Variants in SPAST observed in about 807,000 individuals in gnomAD.
SPAST encodes spastin.
SPAST carries 30 observed loss-of-function variants against 76.6 expected under a neutral mutation model. The ratio of observed to expected loss-of-function variants is 0.39; its 90% CI spans 0.29 to 0.53. The LOEUF (loss-of-function observed/expected upper bound fraction) is 0.53. Ranked by LOEUF, SPAST falls within the 20% of genes least tolerant of loss-of-function variation. The pLI is 0.68. For missense variants in SPAST, 717 were observed against 770.5 expected (o/e 0.93, Z 0.82); for synonymous variants, 305 against 281.0 (o/e 1.09, Z -0.86).
chr2:32,111,904 A>C (rs1262505661), intron 4 of SPAST, among the ~76,000 whole-genome samples: 1 of 150,294 alleles, frequency 6.7e-6, no homozygotes, highest in Non-Finnish European at 1.5e-5. Flanking sequence ...CTATATATAA[A>C]GTCTCAGAAC....
At position 32,079,174 on chromosome 2, in the gene SPAST, T is replaced by C. The variant is rs117701888; in HGVS notation, c.416-8318T>C. 3.6e-4 allele frequency among the ~76,000 whole-genome samples: 55 copies of C among 152,180 alleles called. 1 individual carries two copies. The East Asian group carries it at 9.7e-3, about 27-fold the overall frequency. ...TTTACAATCTGCAAAACCTCATAAG[T>C]GGCTAATAGAGGAATATAGTAAAGC... On this transcript the variant is annotated intron_variant, in intron 1 of 16. Coordinates refer to ENST00000315285, the MANE Select transcript of SPAST (RefSeq NM_014946.4).
At chr2:32,084,100 G>A (rs1677374904) in intron 1 of SPAST, among the ~76,000 whole-genome samples, 1 of 150,628 alleles carries the variant, frequency 6.6e-6, no homozygotes, top group South Asian at 2.1e-4. Context: ...ATCTTAAAAA[G>A]CAGTTTGTTG....
chr2:32,148,538 G>A (rs952255429), intron 16 of SPAST, among the ~76,000 whole-genome samples: 20 of 151,884 alleles, frequency 1.3e-4, no homozygotes, highest in African/African-American at 4.1e-4. Flanking sequence ...GGCCGGGGGC[G>A]GTGGCTCACA....
chr2:32,100,133 G>T (rs977039376), intron 4 of SPAST, among the ~76,000 whole-genome samples: 2 of 152,160 alleles, frequency 1.3e-5, no homozygotes, highest in Middle Eastern at 6.8e-3. Flanking sequence ...CAAAAGTAGC[G>T]TATAAGAGTT....
chr2:32,083,479 A>G (rs1677319544), intron 1 of SPAST, among the ~76,000 whole-genome samples: 1 of 151,340 alleles, frequency 6.6e-6, no homozygotes, highest in Admixed American at 6.6e-5. Context: ...GTCTCGTAAT[A>G]TTTTGGTATT....
chr2:32,079,230 T>G (rs1677098859), intron 1 of SPAST, among the ~76,000 whole-genome samples: 1 of 152,128 alleles, frequency 6.6e-6, no homozygotes, highest in Non-Finnish European at 1.5e-5. Flanking sequence ...AGAACTGTGT[T>G]TTTAGGCTGG....
intron 1 of SPAST, among the ~76,000 whole-genome samples, chr2:32,073,642 CTT>C (rs1676839499): frequency 6.6e-6 from 1 of 152,158 alleles, no homozygotes; most frequent in Admixed American, 6.6e-5. Flanking sequence ...TTTCTTCACT[CTT>C]GACCTATAAT....
chr2:32,132,008 A>G (rs961795803), intron 9 of SPAST, among the ~76,000 whole-genome samples: 1 of 152,116 alleles, frequency 6.6e-6, no homozygotes, highest in Non-Finnish European at 1.5e-5. Context: ...GTACTGTTTC[A>G]TCTTCATGTT....
chr2:32,110,416 T>A (rs1354446717), intron 4 of SPAST, among the ~76,000 whole-genome samples: 3 of 147,562 alleles, frequency 2.0e-5, no homozygotes, highest in Non-Finnish European at 4.5e-5. Context: ...CCGCGCCTGG[T>A]CCCTATACAT....
chr2:32,131,732 G>A (rs1384995836), intron 9 of SPAST, among the ~76,000 whole-genome samples: 4 of 132,190 alleles, frequency 3.0e-5, no homozygotes, highest in African/African-American at 8.7e-5. Context: ...GCGTGATCTC[G>A]GCTCACTGCA....
chr2:32,126,953 C>A lies in SPAST; in HGVS notation c.1104C>A (p.Phe368Leu). Reference protein sequence around the residue: ...VILPSLRPELFTGLRAPARGL... With the variant: ...VILPSLRPELLTGLRAPARGL... ...CTAAAGTATATATTTTTTAGTTGTT[C>A]ACAGGGCTTAGAGCTCCTGCCAGAG... is the stretch of plus-strand genomic sequence containing the variant. The change falls in exon 8 of 17, where the codon TTC becomes TTA. Residue 368 changes from phenylalanine to leucine, a missense_variant. Coordinates refer to ENST00000315285, the MANE Select transcript of SPAST (RefSeq NM_014946.4). 6.2e-7 allele frequency: 1 copy of A among 1,607,224 alleles called. No homozygotes were observed. Among genetic ancestry groups the A allele is most frequent in the African/African-American group, 1.3e-5 (1 of 74,846 alleles).
intron 16 of SPAST, among the ~76,000 whole-genome samples, chr2:32,148,501 GTC>G (rs796722946): frequency 3.2e-4 from 47 of 148,892 alleles, no homozygotes; most frequent in African/African-American, 1.1e-3. Context: ...GTGAAACCCT[GTC>G]TCTATCAAAA....
At chr2:32,139,857 A>G (rs2148756605) in intron 12 of SPAST, among the ~76,000 whole-genome samples, 1 of 151,966 alleles carries the variant, frequency 6.6e-6, no homozygotes, top group East Asian at 1.9e-4. Context: ...AAAAGAAAAA[A>G]AAAAAGACAA....
At chr2:32,110,659 G>GTA (rs1390142883) in intron 4 of SPAST, among the ~76,000 whole-genome samples, 42 of 133,188 alleles carry the variant, frequency 3.2e-4, no homozygotes, top group African/African-American at 1.2e-3. Context: ...ATATAGTATA[G>GTA]TATATATAGT....
intron 1 of SPAST, among the ~76,000 whole-genome samples, chr2:32,072,371 T>C (rs1335477109): frequency 1.3e-5 from 2 of 152,220 alleles, no homozygotes; most frequent in African/African-American, 4.8e-5. Context: ...TTTCATGGCC[T>C]GCTATCTGAC....
intron 1 of SPAST, among the ~76,000 whole-genome samples, chr2:32,082,944 GTTA>G (rs765460073): frequency 1.1e-4 from 16 of 152,062 alleles, no homozygotes; most frequent in Non-Finnish European, 1.5e-4. Context: ...TCCTGTTTTT[GTTA>G]TTGTTGTTGT....
In SPAST at chr2:32,064,128, T is replaced by G. The variant is rs1676407642; in HGVS notation, c.297T>G (p.Pro99=). ...GGAGCTCCGGGGCCGCGCCAGCACC[T>G]GCCTCGGCCTCGGCCCCGGCGCCGG... The part of the protein sequence containing the change: ...AKRSSGAAPA[P]ASASAPAPVP... The change falls in exon 1 of 17, where the codon CCT becomes CCG. Residue 99 remains proline (P), a synonymous_variant. Coordinates refer to ENST00000315285, the MANE Select transcript of SPAST (RefSeq NM_014946.4). 1 of 1,584,090 alleles carries G rather than the reference T, an allele frequency of 6.3e-7. No homozygotes were observed. Among genetic ancestry groups the G allele is most frequent in the South Asian group, 1.1e-5 (1 of 87,882 alleles).
At chr2:32,098,313 T>C (rs1677997895) in intron 3 of SPAST, among the ~76,000 whole-genome samples, 1 of 151,906 alleles carries the variant, frequency 6.6e-6, no homozygotes, top group Non-Finnish European at 1.5e-5. Context: ...AAAAAATAAA[T>C]TAGCTGGGCA....
At chr2:32,071,928 A>C (rs1263628424) in intron 1 of SPAST, among the ~76,000 whole-genome samples, 3 of 152,238 alleles carry the variant, frequency 2.0e-5, no homozygotes, top group Non-Finnish European at 4.4e-5. Flanking sequence ...AGACTTGGAA[A>C]GGGAAAGGAT....
Sources: allele counts gnomAD v4.1 joint callset (sites outside exome capture counted in the v4.1 genomes callset), GRCh38; gene constraint gnomAD v4.1.1; transcripts MANE v1.5; gene names NCBI Gene and HGNC (gene_info 2026-07-23, HGNC 2026-07-21).